The following NEGR1 variants were observed in gnomAD, a reference collection of about 807,000 sequenced individuals.
The protein encoded by NEGR1 is IgLON family member 4.
Under a neutral mutation model 40.9 loss-of-function variants are expected in NEGR1, and 10 were observed. The observed-to-expected ratio is 0.24, with a 90% CI of 0.15 to 0.42. NEGR1 has a LOEUF of 0.42. NEGR1 is among the 10% of genes least tolerant of loss of function. The pLI, the probability that NEGR1 is intolerant of heterozygous loss-of-function variation, is 1.00. For synonymous variants in NEGR1, 185 were observed against 166.8 expected (o/e 1.11, Z -0.84); for missense variants, 352 against 438.9 (o/e 0.80, Z 1.77).
chr1:71,699,063 A>T lies in NEGR1; in HGVS notation c.536-924T>A, dbSNP rs1653589950. Among the ~76,000 whole-genome samples, 4 of 152,060 alleles carry T rather than the reference A, an allele frequency of 2.6e-5. 1 individual carries two copies. In the South Asian group the frequency reaches 8.3e-4, roughly 32 times the overall value. Reference sequence around the variant, plus strand: ...CAGGCCTTGAAAAAAATCACATTCCAGTGCATATCAAAGGGAATTATGGAA... The same window carrying T: ...CAGGCCTTGAAAAAAATCACATTCCTGTGCATATCAAAGGGAATTATGGAA... On this transcript the variant is annotated intron_variant, in intron 3 of 6. Transcript: ENST00000357731.
intron 1 of NEGR1, among the ~76,000 whole-genome samples, chr1:72,114,660 GGAA>G (rs1457527246): frequency 6.6e-6 from 1 of 151,686 alleles, no homozygotes; most frequent in East Asian, 1.9e-4. Context: ...TGCTTTGCTT[GGAA>G]GAAGCTTTTC....
chr1:71,555,555 T>G (rs1360440943), intron 6 of NEGR1, among the ~76,000 whole-genome samples: 2 of 151,582 alleles, frequency 1.3e-5, no homozygotes, highest in African/African-American at 4.8e-5. Context: ...CTCTAAAAAG[T>G]TGATAATTTG....
chr1:71,756,699 G>C (rs1354650824), intron 3 of NEGR1, among the ~76,000 whole-genome samples: 1 of 151,874 alleles, frequency 6.6e-6, no homozygotes, highest in African/African-American at 2.4e-5. Context: ...CTCATTTGAG[G>C]GGTCTGAAGA....
chr1:71,827,707 A>G (rs1428858326), intron 2 of NEGR1, among the ~76,000 whole-genome samples: 1 of 151,944 alleles, frequency 6.6e-6, no homozygotes, highest in African/African-American at 2.4e-5. Context: ...GGCAACACAG[A>G]ATTTTTGCTT....
At chr1:71,899,141 G>A (rs1302615488) in intron 2 of NEGR1, among the ~76,000 whole-genome samples, 1 of 151,030 alleles carries the variant, frequency 6.6e-6, no homozygotes, top group Non-Finnish European at 1.5e-5. Context: ...TCAGAAAAGT[G>A]AGAAATTCAA....
intron 2 of NEGR1, among the ~76,000 whole-genome samples, chr1:71,800,779 C>A (rs1657526986): frequency 6.6e-6 from 1 of 152,090 alleles, no homozygotes; most frequent in South Asian, 2.1e-4. Context: ...CCATTCTCTC[C>A]CACATCATCC....
intron 2 of NEGR1, among the ~76,000 whole-genome samples, chr1:71,866,249 CAAG>C (rs1473244247): frequency 3.3e-5 from 5 of 151,944 alleles, no homozygotes; most frequent in Admixed American, 3.3e-4. Context: ...CTAAGAAACA[CAAG>C]AAGAACAGTA....
chr1:71,671,571 T>C (rs1652432734), intron 4 of NEGR1, among the ~76,000 whole-genome samples: 2 of 152,192 alleles, frequency 1.3e-5, no homozygotes, highest in South Asian at 4.1e-4. Flanking sequence ...ATTTCCAGGT[T>C]ATTGTTCATA....
intron 1 of NEGR1, among the ~76,000 whole-genome samples, chr1:72,269,883 T>C (rs979296588): frequency 2.0e-5 from 3 of 151,766 alleles, no homozygotes; most frequent in Non-Finnish European, 4.4e-5. Context: ...ATATGTAATC[T>C]CATTTAAACA....
intron 6 of NEGR1, among the ~76,000 whole-genome samples, chr1:71,529,048 T>C (rs535611468): frequency 6.6e-6 from 1 of 151,170 alleles, no homozygotes; most frequent in African/African-American, 2.4e-5. Flanking sequence ...TTTTTTTTAC[T>C]ATGAATAACA....
intron 6 of NEGR1, among the ~76,000 whole-genome samples, chr1:71,573,120 G>A (rs1256921484): frequency 6.6e-6 from 1 of 152,130 alleles, no homozygotes; most frequent in Non-Finnish European, 1.5e-5. Context: ...CTTAATATGG[G>A]TATGGCTATT....
At chr1:72,156,974 T>C (rs778514584) in intron 1 of NEGR1, among the ~76,000 whole-genome samples, 1 of 151,168 alleles carries the variant, frequency 6.6e-6, no homozygotes, top group East Asian at 1.9e-4. Context: ...TGTCTGTTTG[T>C]GTGTTTTTGA....
At chr1:71,722,362 A>G (rs1654537256) in intron 3 of NEGR1, among the ~76,000 whole-genome samples, 1 of 152,042 alleles carries the variant, frequency 6.6e-6, no homozygotes, top group African/African-American at 2.4e-5. Flanking sequence ...TATTAATTTA[A>G]TTTATCCACG....
intron 3 of NEGR1, among the ~76,000 whole-genome samples, chr1:71,705,770 G>T (rs921061392): frequency 3.4e-5 from 5 of 145,308 alleles, no homozygotes; most frequent in Admixed American, 1.4e-4. Context: ...GAAGAGAAAA[G>T]AAAAGCAAAG....
Position 71,704,386 on chromosome 1 carries a change from G to C in NEGR1, c.536-6247C>G, listed in dbSNP as rs190180087. On this transcript the variant is annotated intron_variant, in intron 3 of 6. Transcript: ENST00000357731. ...GGTTCTTTAAAAGATCACTAAAATG[G>C]ATAAATCTTAACCAGACTAATAAAG... Among the ~76,000 whole-genome samples the C allele has an allele frequency of 1.9e-3, 282 of 151,884 alleles. 2 individuals carry two copies. Among genetic ancestry groups the C allele is most frequent in the African/African-American group, 6.6e-3 (275 of 41,492 alleles).
chr1:71,988,286 G>A (rs561091955), intron 1 of NEGR1, among the ~76,000 whole-genome samples: 1 of 152,198 alleles, frequency 6.6e-6, no homozygotes, highest in Non-Finnish European at 1.5e-5. Context: ...GCTATGAAGA[G>A]TAAAGGAGGT....
At chr1:71,690,619 C>CAGACAGAGAGAGAGAG in intron 4 of NEGR1, among the ~76,000 whole-genome samples, 1 of 67,586 alleles carries the variant, frequency 1.5e-5, no homozygotes, top group Non-Finnish European at 2.9e-5. Flanking sequence ...TAGAGGGAGA[C>CAGACAGAGAGAGAGAG]AGAGAGAGAG....
At chr1:71,815,776 G>C (rs919304474) in intron 2 of NEGR1, among the ~76,000 whole-genome samples, 1 of 151,984 alleles carries the variant, frequency 6.6e-6, no homozygotes, top group Non-Finnish European at 1.5e-5. Flanking sequence ...CAATTCTTTA[G>C]CCAAATGTGC....
At chr1:71,706,710 C>T (rs1368989213) in intron 3 of NEGR1, among the ~76,000 whole-genome samples, 1 of 151,754 alleles carries the variant, frequency 6.6e-6, no homozygotes, top group Non-Finnish European at 1.5e-5. Context: ...CATTCCAGGC[C>T]CTAGCTTCCA....
Sources: gnomAD v4.1 joint callset for allele counts (sites outside exome capture counted in the v4.1 genomes callset) on GRCh38, gnomAD v4.1.1 for gene constraint, MANE v1.5 for transcripts, NCBI Gene and HGNC (gene_info 2026-07-23, HGNC 2026-07-21) for gene names.